The following SMURF2 variants were observed in gnomAD, a reference collection of about 807,000 sequenced individuals.
SMURF2 encodes the protein E3 ubiquitin-protein ligase SMURF2.
In SMURF2, 48 loss-of-function variants were observed where a neutral mutation model predicts 109.6. The ratio of observed to expected loss-of-function variants is 0.44; its 90% CI spans 0.35 to 0.56. The LOEUF is 0.56. SMURF2 is among the 20% of genes least tolerant of loss of function. SMURF2 has a pLI of 0.01. For missense variants in SMURF2, 575 were observed against 909.0 expected (o/e 0.63, Z 4.72); for synonymous variants, 288 against 317.1 (o/e 0.91, Z 0.97).
At chr17:64,635,847 T>C (rs1177229634) in intron 1 of SMURF2, among the ~76,000 whole-genome samples, 2 of 152,210 alleles carry the variant, frequency 1.3e-5, no homozygotes, top group South Asian at 2.1e-4. Flanking sequence ...AGGAATGGAA[T>C]TGCTGAGTCA....
intron 9 of SMURF2, among the ~76,000 whole-genome samples, chr17:64,576,620 C>T (rs1969494608): frequency 6.6e-6 from 1 of 151,002 alleles, no homozygotes; most frequent in Non-Finnish European, 1.5e-5. Flanking sequence ...GCTGACATTG[C>T]ACCACTGCAC....
At chr17:64,616,426 G>A (rs368296490) in intron 1 of SMURF2, among the ~76,000 whole-genome samples, 3 of 151,572 alleles carry the variant, frequency 2.0e-5, no homozygotes, top group Non-Finnish European at 2.9e-5. Context: ...TGAGGTGGGC[G>A]GATCATGAGG....
At chr17:64,556,858 T>C (rs1555684088) in intron 13 of SMURF2, among the ~76,000 whole-genome samples, 1 of 152,234 alleles carries the variant, frequency 6.6e-6, no homozygotes, top group East Asian at 1.9e-4. Context: ...TATCTTGTTT[T>C]TGTTTCTTTT....
intron 1 of SMURF2, among the ~76,000 whole-genome samples, chr17:64,648,767 A>G (rs1319713558): frequency 6.6e-6 from 1 of 152,116 alleles, no homozygotes; most frequent in Non-Finnish European, 1.5e-5. Flanking sequence ...CAAAAACAAA[A>G]ACAAAAAACA....
rs573378129 is a variant in SMURF2 at position 64,542,526 on chromosome 17, A to T, written c.*3322T>A. On this transcript the variant is annotated 3_prime_UTR_variant, in exon 19 of 19. Transcript: ENST00000262435. ...TCAGTCTGAGAGAAGAATATTACAT[A>T]AAGTGAACTAATTACATCTAGAAAT... 4.6e-5 allele frequency: 7 copies of T among 152,312 alleles called. No individual in the cohort carries two copies. Among genetic ancestry groups the T allele is most frequent in the Admixed American group, 4.6e-4 (7 of 15,298 alleles). 9.4% of individuals were successfully genotyped at this position (152,312 alleles called of 1,614,324 possible).
At chr17:64,648,462 G>T (rs189960491) in intron 1 of SMURF2, among the ~76,000 whole-genome samples, 31 of 152,250 alleles carry the variant, frequency 2.0e-4, no homozygotes, top group Non-Finnish European at 2.2e-4. Context: ...CTGAGATCAC[G>T]AAAGCCTGTT....
chr17:64,660,688 C>G (rs1306041106), intron 1 of SMURF2: 1 of 152,164 alleles, frequency 6.6e-6, no homozygotes. Flanking sequence ...TACAGTTTAT[C>G]CGTACACGTG....
At chr17:64,624,415 C>G (rs1031303121) in intron 1 of SMURF2, among the ~76,000 whole-genome samples, 3 of 150,910 alleles carry the variant, frequency 2.0e-5, no homozygotes, top group Non-Finnish European at 4.4e-5. Context: ...CTCACTGCAG[C>G]CTCCGCCTCC....
At position 64,662,141 on chromosome 17, in the gene SMURF2, C is replaced by A; in HGVS notation, c.-261G>T. ...CAGCCGCGGCCGCCCGCGCCGCCTCCGCCCGCGCCCCCGCCGCCTCCTCGC... is the reference window on the plus strand; with the variant it reads ...CAGCCGCGGCCGCCCGCGCCGCCTCAGCCCGCGCCCCCGCCGCCTCCTCGC... On this transcript the variant is annotated 5_prime_UTR_variant, in exon 1 of 19. Transcript: ENST00000262435. The A allele has an allele frequency of 9.7e-7, 1 of 1,035,878 alleles. No individual in the cohort carries two copies. Among genetic ancestry groups the A allele is most frequent in the Non-Finnish European group, 1.2e-6 (1 of 863,582 alleles). The allele number at this position is 1,035,878 out of a possible 1,614,324, so 64.2% of individuals were successfully genotyped here.
At chr17:64,601,660 A>G (rs1278018734) in intron 2 of SMURF2, among the ~76,000 whole-genome samples, 9 of 152,156 alleles carry the variant, frequency 5.9e-5, no homozygotes, top group Non-Finnish European at 1.2e-4. Context: ...AAGAACTAAA[A>G]GTAGATCTAC....
At position 64,544,691 on chromosome 17, in the gene SMURF2, G is replaced by A. The variant is rs1187477971; in HGVS notation, c.*1157C>T. On this transcript the variant is annotated 3_prime_UTR_variant, in exon 19 of 19. Coordinates refer to ENST00000262435, the MANE Select transcript of SMURF2 (RefSeq NM_022739.4). ...TTTACGCCATAGAGTTAGAATCACT[G>A]TTCATACTACCGCCCCTCAACCCCA... 2 of 152,256 alleles carry A rather than the reference G, an allele frequency of 1.3e-5. No homozygotes were observed. The highest frequency in any genetic ancestry group is 3.4e-3 in the Middle Eastern group (1 of 294). 9.4% of individuals were successfully genotyped at this position (152,256 alleles called of 1,614,324 possible).
At chr17:64,591,172 G>A (rs1555687686) in intron 4 of SMURF2, 23 bp from the exon 5 acceptor site, 7 of 1,599,052 alleles carry the variant, frequency 4.4e-6, no homozygotes, top group Admixed American at 1.7e-5. Context: ...AACAAAGAAA[G>A]CAACGAAAAA....
At chr17:64,629,571 A>G (rs1278951012) in intron 1 of SMURF2, among the ~76,000 whole-genome samples, 1 of 152,230 alleles carries the variant, frequency 6.6e-6, no homozygotes, top group African/African-American at 2.4e-5. Flanking sequence ...TTACCAAAGT[A>G]GATTACACCA....
chr17:64,574,058 T>C (rs1228773007), intron 9 of SMURF2, among the ~76,000 whole-genome samples: 4 of 151,934 alleles, frequency 2.6e-5, no homozygotes, highest in African/African-American at 4.8e-5. Flanking sequence ...GACAGAATCA[T>C]CTGTACAACA....
intron 1 of SMURF2, among the ~76,000 whole-genome samples, chr17:64,614,966 A>G (rs1301479824): frequency 6.6e-6 from 1 of 152,238 alleles, no homozygotes; most frequent in Non-Finnish European, 1.5e-5. Context: ...AACCATTTGC[A>G]GAAGTACAGA....
chr17:64,551,291 A>G (rs905206466), intron 16 of SMURF2, among the ~76,000 whole-genome samples: 1 of 152,108 alleles, frequency 6.6e-6, no homozygotes, highest in South Asian at 2.1e-4. Context: ...CAGGAGGTCA[A>G]GGCTGCAGTG....
At position 64,545,738 on chromosome 17, in the gene SMURF2, G is replaced by A. The variant is rs1389472404; in HGVS notation, c.*110C>T. 3 of 365,698 alleles carry A rather than the reference G, an allele frequency of 8.2e-6. No individual in the cohort carries two copies. The highest frequency in any genetic ancestry group is 4.5e-5 in the East Asian group (1 of 22,144). 22.7% of individuals were successfully genotyped at this position (365,698 alleles called of 1,614,324 possible). On this transcript the variant is annotated 3_prime_UTR_variant, in exon 19 of 19. Coordinates refer to ENST00000262435, the MANE Select transcript of SMURF2 (RefSeq NM_022739.4). The stretch of plus-strand genomic sequence containing the variant: ...ATGTAAAAAAAAAAAAAAAAAGGGG[G>A]GGGGGGGGAGTGTTTTCCTGTATTT...
intron 5 of SMURF2, among the ~76,000 whole-genome samples, chr17:64,587,732 C>T (rs1290386867): frequency 6.6e-6 from 1 of 152,150 alleles, no homozygotes; most frequent in Non-Finnish European, 1.5e-5. Context: ...ACTATGAACA[C>T]CTACTTGGCA....
At chr17:64,647,377 A>G (rs182041630) in intron 1 of SMURF2, among the ~76,000 whole-genome samples, 5 of 152,190 alleles carry the variant, frequency 3.3e-5, no homozygotes, top group Admixed American at 3.3e-4. Context: ...ATCTATCCTC[A>G]TTTCTAAAGA....
Sources: allele counts gnomAD v4.1 joint callset (sites outside exome capture counted in the v4.1 genomes callset), GRCh38; gene constraint gnomAD v4.1.1; transcripts MANE v1.5; gene names NCBI Gene and HGNC (gene_info 2026-07-23, HGNC 2026-07-21).